Variants in MPZL3 observed in about 807,000 individuals in gnomAD.
The protein encoded by MPZL3 is myelin protein zero like 3.
Under a neutral mutation model 24.8 loss-of-function variants are expected in MPZL3, and 23 were observed. That is an observed-to-expected ratio of 0.93 (90% CI 0.67 to 1.31). The LOEUF is 1.31. MPZL3 is among the 40% of genes most tolerant of loss of function. The pLI, the probability that MPZL3 is intolerant of heterozygous loss-of-function variation, is 0.00. For missense variants in MPZL3, 277 were observed against 294.9 expected, an observed-to-expected ratio of 0.94 and a Z score of 0.44; for synonymous variants, 99 against 106.5, an observed-to-expected ratio of 0.93 and a Z score of 0.44.
chr11:118,237,501 A>C (rs1211334882), intron 2 of MPZL3, among the ~76,000 whole-genome samples: 1 of 152,062 alleles, frequency 6.6e-6, no homozygotes, highest in Admixed American at 6.6e-5. Context: ...TGGAACCCTA[A>C]AATAATAGTT....
At chr11:118,236,782 A>G (rs1257312399) in intron 3 of MPZL3, among the ~76,000 whole-genome samples, 1 of 152,218 alleles carries the variant, frequency 6.6e-6, no homozygotes, top group African/African-American at 2.4e-5. Flanking sequence ...GCATTCCACA[A>G]GAACTTTGGT....
rs147554694 is a variant in MPZL3 at position 118,233,482 on chromosome 11, C to T, written c.659G>A (p.Cys220Tyr). ...EEEEACMARL[C>Y]VRCAECLDSD... ...TACCAGGCACTCAGCGCAACGGACA[C>T]AAAGCCTCGCCATACACGCCTCTTC... Residue 220 changes from cysteine to tyrosine, a missense_variant, in exon 5 of 6, where the codon TGT becomes TAT. Physicochemically the swap from Cys to Tyr is radical, Grantham distance 194. Coordinates refer to ENST00000278949, the MANE Select transcript of MPZL3 (RefSeq NM_198275.3). 2 of 1,613,742 alleles carry T rather than the reference C, an allele frequency of 1.2e-6. No homozygotes were observed. Among genetic ancestry groups the T allele is most frequent in the Admixed American group, 1.7e-5 (1 of 59,976 alleles).
chr11:118,249,956 A>G (rs1352408311), intron 1 of MPZL3, among the ~76,000 whole-genome samples: 7 of 152,174 alleles, frequency 4.6e-5, no homozygotes, highest in Admixed American at 1.3e-4. Context: ...AAAGCCAGTC[A>G]CCAAAAGCAC....
intron 1 of MPZL3, 136 bp downstream of exon 1, chr11:118,252,086 C>G (rs1949625577): frequency 2.5e-6 from 2 of 814,156 alleles, no homozygotes; most frequent in African/African-American, 3.4e-5. Flanking sequence ...ATCGTCCCAA[C>G]GTCCCGCTCC....
intron 1 of MPZL3, among the ~76,000 whole-genome samples, chr11:118,250,694 T>A (rs1371288358): frequency 6.6e-6 from 1 of 151,942 alleles, no homozygotes; most frequent in African/African-American, 2.4e-5. Flanking sequence ...GATTCTCCTG[T>A]CTCAGCCTCC....
chr11:118,243,455 C>G (rs577127019), intron 1 of MPZL3, among the ~76,000 whole-genome samples: 40 of 152,294 alleles, frequency 2.6e-4, no homozygotes, highest in African/African-American at 9.4e-4. Flanking sequence ...TTCATCCCCT[C>G]CATTCCCTGC....
rs1367422496 is a variant in MPZL3 at position 118,240,264 on chromosome 11, T to C, written c.187A>G (p.Lys63Glu). The change falls in exon 2 of 6, where the codon AAA (lysine) becomes GAA (glutamate). Residue 63 changes from lysine (K) to glutamate (E), a missense_variant. Lys to Glu is a moderately conservative substitution (Grantham distance 56, BLOSUM62 1). Coordinates refer to ENST00000278949, the MANE Select transcript of MPZL3 (RefSeq NM_198275.3). The part of the protein sequence containing the change: ...TFKSTSDVTD[K>E]LTIDWTYRPP... ...CGATATGTCCAGTCTATAGTAAGTT[T>C]GTCAGTGACATCTGAAGTTGACTTG... 1.2e-6 allele frequency: 2 copies of C among 1,604,458 alleles called. No homozygotes were observed. The highest frequency in any genetic ancestry group is 2.7e-5 in the African/African-American group (2 of 74,420).
chr11:118,250,395 G>C (rs899134914), intron 1 of MPZL3, among the ~76,000 whole-genome samples: 1 of 151,982 alleles, frequency 6.6e-6, no homozygotes, highest in Non-Finnish European at 1.5e-5. Flanking sequence ...GGGAAATGGA[G>C]AGTGAGGAGT....
At chr11:118,241,595 G>A (rs909549656) in intron 1 of MPZL3, among the ~76,000 whole-genome samples, 2 of 152,160 alleles carry the variant, frequency 1.3e-5, no homozygotes, top group East Asian at 1.9e-4. Context: ...AAGCCTACCC[G>A]AACCAGAGTA....
chr11:118,243,576 C>T (rs1436670198), intron 1 of MPZL3, among the ~76,000 whole-genome samples: 7 of 152,058 alleles, frequency 4.6e-5, no homozygotes, highest in South Asian at 2.1e-4. Flanking sequence ...CAAGAGCAGC[C>T]GGGGCAACAT....
rs749363160 is a variant in MPZL3, at chr11:118,233,524, C to T, written c.618-1G>A. ...CGCCTCTTCCTCCTCCTGATCAGTG[C>T]TGTAAAAAGAGGACAAACCAAATCT... On this transcript the variant is annotated splice_acceptor_variant, in intron 4 of 5. Coordinates refer to ENST00000278949, the MANE Select transcript of MPZL3 (RefSeq NM_198275.3). LOFTEE classifies it high-confidence loss of function. 3.1e-6 allele frequency: 5 copies of T among 1,613,608 alleles called. No individual in the cohort carries two copies. The East Asian group carries it at 8.9e-5, about 29-fold the overall frequency.
intron 5 of MPZL3, among the ~76,000 whole-genome samples, chr11:118,231,032 G>T (rs1172023863): frequency 1.3e-5 from 2 of 152,074 alleles, no homozygotes; most frequent in Non-Finnish European, 2.9e-5. Context: ...CTGTCTCTCT[G>T]CATCCCTTCA....
At chr11:118,240,783 A>ACACACACACACACACACACACT (rs1418485892) in intron 1 of MPZL3, among the ~76,000 whole-genome samples, 9 of 140,440 alleles carry the variant, frequency 6.4e-5, no homozygotes, top group Non-Finnish European at 6.2e-5. Flanking sequence ...ACACACACAC[A>ACACACACACACACACACACACT]CTCTGGGAAT....
At chr11:118,233,376 C>T in intron 5 of MPZL3, 84 bp downstream of exon 5, 1 of 1,452,680 alleles carries the variant, frequency 6.9e-7, no homozygotes, top group Non-Finnish European at 9.7e-7. Flanking sequence ...TCCTCTGCTG[C>T]CTCTGAGGGC....
chr11:118,245,024 C>T (rs1454488974), intron 1 of MPZL3, among the ~76,000 whole-genome samples: 2 of 151,786 alleles, frequency 1.3e-5, no homozygotes, highest in Non-Finnish European at 2.9e-5. Flanking sequence ...TGCCGTGAGC[C>T]GAAATCGCAC....
In MPZL3 at chr11:118,229,850, T is replaced by C; in HGVS notation, c.*44A>G. On this transcript the variant is annotated 3_prime_UTR_variant, in exon 6 of 6. Transcript: ENST00000278949. ...CTTTAGCTGCCAGTGGAATGGGATG[T>C]TTCCTGTCTTTAGGTGACTCTTCTT... is the stretch of plus-strand genomic sequence containing the variant. 1 of 1,606,922 alleles carries C rather than the reference T, an allele frequency of 6.2e-7. No homozygotes were observed. Among genetic ancestry groups the C allele is most frequent in the Non-Finnish European group, 8.5e-7 (1 of 1,174,164 alleles).
At chr11:118,251,009 T>C (rs1434378818) in intron 1 of MPZL3, among the ~76,000 whole-genome samples, 2 of 152,010 alleles carry the variant, frequency 1.3e-5, no homozygotes, top group African/African-American at 4.8e-5. Context: ...CAAAGCAAAA[T>C]GACATTAGAT....
At chr11:118,243,183 C>T (rs1335532122) in intron 1 of MPZL3, among the ~76,000 whole-genome samples, 2 of 152,162 alleles carry the variant, frequency 1.3e-5, no homozygotes, top group African/African-American at 4.8e-5. Context: ...TCAACGAGGC[C>T]TGGCAAACGT....
Position 118,226,942 on chromosome 11 carries a change from A to G in MPZL3, c.*2952T>C, listed in dbSNP as rs1456101732. ...GTCCACTCCTTGTGGGTCTTCTTAC[A>G]GTTTCCCTTTAGAACCATAACTGAG... On this transcript the variant is annotated 3_prime_UTR_variant, in exon 6 of 6. Coordinates refer to ENST00000278949, the MANE Select transcript of MPZL3 (RefSeq NM_198275.3). The G allele has an allele frequency of 6.6e-6, 1 of 152,250 alleles. No homozygotes were observed. The highest frequency in any genetic ancestry group is 1.5e-5 in the Non-Finnish European group (1 of 68,040). 9.4% of individuals were successfully genotyped at this position (152,250 alleles called of 1,614,324 possible).
Sources: gnomAD v4.1 joint callset for allele counts (sites outside exome capture counted in the v4.1 genomes callset) on GRCh38, gnomAD v4.1.1 for gene constraint, MANE v1.5 for transcripts, NCBI Gene and HGNC (gene_info 2026-07-23, HGNC 2026-07-21) for gene names.